SGIP1: variants seen among roughly 807,000 people sequenced by gnomAD.
SGIP1 encodes the protein SH3-containing GRB2-like protein 3-interacting protein 1.
A neutral mutation model predicts 107.5 loss-of-function variants in SGIP1; 38 were observed. That is an observed-to-expected ratio of 0.35 (90% CI 0.27 to 0.46). The LOEUF (loss-of-function observed/expected upper bound fraction) is 0.46. SGIP1 is among the 20% of genes least tolerant of loss of function. SGIP1 has a pLI of 1.00. For missense variants in SGIP1, 929 were observed against 1,019.5 expected (o/e 0.91, Z 1.21); for synonymous variants, 365 against 366.1 (o/e 1.00, Z 0.03).
Position 66,645,365 on chromosome 1 carries a change from C to T in SGIP1, c.459+1646C>T, listed in dbSNP as rs36032200. On this transcript the variant is annotated intron_variant, in intron 7 of 24. Transcript: ENST00000371037. ...GCTATTCCTCCAACCAGATACATTGCTAAGGATGCAGCAAAATGTGGTGGT... is the reference window on the plus strand; with the variant it reads ...GCTATTCCTCCAACCAGATACATTGTTAAGGATGCAGCAAAATGTGGTGGT... Among the ~76,000 whole-genome samples the T allele has an allele frequency of 2.7e-3, 418 of 152,270 alleles. 1 individual carries two copies. Among genetic ancestry groups the T allele is most frequent in the Middle Eastern group, 6.8e-3 (2 of 294 alleles).
chr1:66,743,115 T>G lies in SGIP1; in HGVS notation c.*20T>G, dbSNP rs370425969. On this transcript the variant is annotated 3_prime_UTR_variant, in exon 25 of 25. Coordinates refer to ENST00000371037, the MANE Select transcript of SGIP1 (RefSeq NM_032291.4). ...AACTAATGAAATCTTATGCAAGGAT[T>G]TGGAGGATTCATATAATGGAGAACT... 4 of 1,612,782 alleles carry G rather than the reference T, an allele frequency of 2.5e-6. No individual in the cohort carries two copies. The highest frequency in any genetic ancestry group is 3.4e-6 in the Non-Finnish European group (4 of 1,179,348).
intron 19 of SGIP1, among the ~76,000 whole-genome samples, chr1:66,725,030 A>T (rs1209992901): frequency 6.6e-6 from 1 of 152,206 alleles, no homozygotes. Flanking sequence ...CCAATTTGGC[A>T]CTAGTATACA....
At chr1:66,731,661 C>G (rs548488450) in intron 20 of SGIP1, among the ~76,000 whole-genome samples, 125 of 152,206 alleles carry the variant, frequency 8.2e-4, no homozygotes, top group Non-Finnish European at 1.2e-3. Flanking sequence ...TTATGCAGTG[C>G]CACTCCACTA....
In SGIP1 at chr1:66,746,859, A is replaced by C. The variant is rs1215078340; in HGVS notation, c.*3764A>C. On this transcript the variant is annotated 3_prime_UTR_variant, in exon 25 of 25. Coordinates refer to ENST00000371037, the MANE Select transcript of SGIP1 (RefSeq NM_032291.4). ...GAAAAACCATTACCAAAATAAGGAT[A>C]ATTCCAATAACAAAACTGTCAAAAA... 1 of 152,116 alleles carries C rather than the reference A, an allele frequency of 6.6e-6. No individual in the cohort carries two copies. The highest frequency in any genetic ancestry group is 1.5e-5 in the Non-Finnish European group (1 of 67,954). The allele number at this position is 152,116 out of a possible 1,614,324, so 9.4% of individuals were successfully genotyped here.
chr1:66,692,578 CA>C (rs1360492811), intron 17 of SGIP1, among the ~76,000 whole-genome samples: 2 of 152,100 alleles, frequency 1.3e-5, no homozygotes, highest in Non-Finnish European at 2.9e-5. Flanking sequence ...TGTTCAACAC[CA>C]AAGGGCCTAA....
At chr1:66,581,589 AT>A (rs765049541) in intron 1 of SGIP1, among the ~76,000 whole-genome samples, 11 of 152,050 alleles carry the variant, frequency 7.2e-5, no homozygotes, top group Non-Finnish European at 1.6e-4. Context: ...ATCCATCTCT[AT>A]AAAAATAATT....
Position 66,607,427 on chromosome 1 carries a change from T to G in SGIP1, c.11-18420T>G, listed in dbSNP as rs150140844. Among the ~76,000 whole-genome samples, 3 of 152,332 alleles carry G rather than the reference T, an allele frequency of 2.0e-5. No homozygotes were observed. The East Asian group carries it at 5.8e-4, about 29-fold the overall frequency. On this transcript the variant is annotated intron_variant, in intron 1 of 24. Transcript: ENST00000371037. ...AGCTATGTCAGATGTGGCCCACCAT[T>G]GGCCACTAGCTGAATGACAGAGGAT... is the stretch of plus-strand genomic sequence containing the variant.
At chr1:66,689,876 G>A (rs757022540) in intron 16 of SGIP1, among the ~76,000 whole-genome samples, 7 of 152,186 alleles carry the variant, frequency 4.6e-5, no homozygotes, top group Non-Finnish European at 8.8e-5. Context: ...AGCTTTAGAC[G>A]AGTATGAGTT....
At chr1:66,640,534 T>C (rs199584645) in intron 5 of SGIP1, among the ~76,000 whole-genome samples, 22 of 151,542 alleles carry the variant, frequency 1.5e-4, no homozygotes, top group African/African-American at 4.8e-4. Flanking sequence ...GGGAACAGAG[T>C]TGATGAGGTC....
At chr1:66,568,199 C>T (rs1265852448) in intron 1 of SGIP1, among the ~76,000 whole-genome samples, 1 of 152,038 alleles carries the variant, frequency 6.6e-6, no homozygotes, top group Non-Finnish European at 1.5e-5. Flanking sequence ...GTTTGTAGTT[C>T]TCCCTGAAGA....
At chr1:66,609,926 C>A (rs1005830491) in intron 1 of SGIP1, among the ~76,000 whole-genome samples, 2 of 151,980 alleles carry the variant, frequency 1.3e-5, no homozygotes, top group African/African-American at 4.8e-5. Context: ...TTATTCTGGG[C>A]TTTTTTTTCA....
intron 19 of SGIP1, among the ~76,000 whole-genome samples, chr1:66,722,784 T>C (rs990440352): frequency 6.6e-6 from 1 of 152,192 alleles, no homozygotes; most frequent in Non-Finnish European, 1.5e-5. Context: ...GTTTTCATCC[T>C]GGTTCAGTTT....
rs3077736 is a variant in SGIP1 at position 66,693,256 on chromosome 1, TAATA to T, written c.1571-2151_1571-2148del. 2.0e-3 allele frequency among the ~76,000 whole-genome samples: 280 copies of T among 142,656 alleles called. 1 individual carries two copies. Among genetic ancestry groups the T allele is most frequent in the African/African-American group, 6.1e-3 (228 of 37,462 alleles). 93.6% of individuals were successfully genotyped at this position (142,656 alleles called of 152,430 possible). ...AGATTCTCATCTCAGTTTTTAAAAA[TAATA>T]AATAAATAAATAAATAAATAAATAA... On this transcript the variant is annotated intron_variant, in intron 17 of 24. Coordinates refer to ENST00000371037, the MANE Select transcript of SGIP1 (RefSeq NM_032291.4).
chr1:66,540,970 T>A (rs1270162386), intron 1 of SGIP1, among the ~76,000 whole-genome samples: 1 of 152,256 alleles, frequency 6.6e-6, no homozygotes, highest in Non-Finnish European at 1.5e-5. Context: ...AGGTTTGAAT[T>A]CTAATGACTG....
intron 1 of SGIP1, among the ~76,000 whole-genome samples, chr1:66,591,576 G>C (rs1475656881): frequency 6.6e-6 from 1 of 152,164 alleles, no homozygotes; most frequent in East Asian, 1.9e-4. Flanking sequence ...TGTGAAGGGG[G>C]CCAGCCCCTC....
At chr1:66,548,871 G>T (rs1252471080) in intron 1 of SGIP1, among the ~76,000 whole-genome samples, 5 of 152,102 alleles carry the variant, frequency 3.3e-5, no homozygotes, top group Non-Finnish European at 5.9e-5. Flanking sequence ...CTACCTGCAG[G>T]TGCCAAAACT....
chr1:66,546,692 C>T (rs1363369824), intron 1 of SGIP1, among the ~76,000 whole-genome samples: 1 of 152,194 alleles, frequency 6.6e-6, no homozygotes, highest in Non-Finnish European at 1.5e-5. Context: ...GATTCTAGTC[C>T]TGGCATTGCC....
intron 1 of SGIP1, among the ~76,000 whole-genome samples, chr1:66,558,532 T>C (rs1856318): frequency 0.72 from 109,032 of 151,878 alleles, 41,056 homozygotes; most frequent in East Asian, 1. Flanking sequence ...AAGATTATGT[T>C]GTATTGCGAG....
At chr1:66,620,222 T>A (rs887944756) in intron 1 of SGIP1, among the ~76,000 whole-genome samples, 1 of 152,084 alleles carries the variant, frequency 6.6e-6, no homozygotes, top group Non-Finnish European at 1.5e-5. Context: ...TTTGTGGGAG[T>A]TTTTTTAGTT....
Sources: gnomAD v4.1 joint callset for allele counts (sites outside exome capture counted in the v4.1 genomes callset) on GRCh38, gnomAD v4.1.1 for gene constraint, MANE v1.5 for transcripts, NCBI Gene and HGNC (gene_info 2026-07-23, HGNC 2026-07-21) for gene names.